SULF1: variants seen among roughly 807,000 people sequenced by gnomAD.
SULF1 encodes sulfatase 1.
SULF1 carries 46 observed loss-of-function variants against 110.5 expected under a neutral mutation model. The ratio of observed to expected loss-of-function variants is 0.42; its 90% CI spans 0.33 to 0.53. The LOEUF is 0.53. Ranked by LOEUF, SULF1 falls within the 20% of genes least tolerant of loss-of-function variation. SULF1 has a pLI of 0.12. For missense variants in SULF1, 941 were observed against 1,094.2 expected, an observed-to-expected ratio of 0.86 and a Z score of 1.98; for synonymous variants, 371 against 387.1, an observed-to-expected ratio of 0.96 and a Z score of 0.49.
intron 3 of SULF1, among the ~76,000 whole-genome samples, chr8:69,557,214 C>T (rs1815174234): frequency 1.3e-5 from 2 of 152,190 alleles, no homozygotes. Flanking sequence ...TCTTGGATCT[C>T]ACTGCCACCA....
intron 3 of SULF1, among the ~76,000 whole-genome samples, chr8:69,522,302 C>T (rs1421443568): frequency 6.6e-6 from 1 of 152,146 alleles, no homozygotes; most frequent in Non-Finnish European, 1.5e-5. Flanking sequence ...GCCTCAGCCT[C>T]CCAAAGTGCT....
intron 3 of SULF1, among the ~76,000 whole-genome samples, chr8:69,559,255 C>G (rs961922277): frequency 6.6e-6 from 1 of 152,182 alleles, no homozygotes; most frequent in Non-Finnish European, 1.5e-5. Flanking sequence ...TATCAATGAA[C>G]TTTTCATTCT....
chr8:69,658,408 C>T, intron 22 of SULF1, 97 bp from the exon 23 acceptor site: 1 of 868,350 alleles, frequency 1.2e-6, no homozygotes, highest in South Asian at 1.7e-5. Flanking sequence ...TCATACTTCT[C>T]ATTGATTAAC....
chr8:69,496,739 CT>C (rs1487846649), intron 2 of SULF1, among the ~76,000 whole-genome samples: 1 of 152,198 alleles, frequency 6.6e-6, no homozygotes, highest in Non-Finnish European at 1.5e-5. Flanking sequence ...CCCTCACAAT[CT>C]TTTTAGGTTA....
intron 1 of SULF1, among the ~76,000 whole-genome samples, chr8:69,468,392 A>G (rs2704028): frequency 6.6e-6 from 1 of 152,060 alleles, no homozygotes; most frequent in Non-Finnish European, 1.5e-5. Context: ...AACCATGCAG[A>G]TAATTTTTTT....
chr8:69,610,104 T>C (rs919833894), intron 13 of SULF1, among the ~76,000 whole-genome samples: 1 of 152,248 alleles, frequency 6.6e-6, no homozygotes, highest in African/African-American at 2.4e-5. Context: ...ATCCTTTTGA[T>C]GAGTTGTTGA....
Position 69,526,647 on chromosome 8 carries a change from C to G in SULF1, c.-134+24679C>G, listed in dbSNP as rs186877455. Among the ~76,000 whole-genome samples, 305 of 151,096 alleles carry G rather than the reference C, an allele frequency of 2.0e-3. 2 individuals carry two copies. Among genetic ancestry groups the G allele is most frequent in the Non-Finnish European group, 1.7e-3 (113 of 67,770 alleles). ...AGAAAGAAAGAAAAGAAAAATTAGT[C>G]AGGCATAGTGGCATGTGCCTGTAGT... On this transcript the variant is annotated intron_variant, in intron 3 of 22. Coordinates refer to ENST00000402687, the MANE Select transcript of SULF1 (RefSeq NM_001128205.2).
intron 3 of SULF1, among the ~76,000 whole-genome samples, chr8:69,522,516 G>A (rs1812378752): frequency 6.6e-6 from 1 of 152,170 alleles, no homozygotes; most frequent in Admixed American, 6.5e-5. Context: ...CATTAATTAG[G>A]CAGTTAGCTT....
upstream of SULF1, among the ~76,000 whole-genome samples, chr8:69,492,557 G>A (rs991345009): frequency 1.2e-4 from 18 of 152,286 alleles, no homozygotes; most frequent in Non-Finnish European, 2.4e-4. Flanking sequence ...GGTGCTCAGG[G>A]AGCCGGAACC....
intron 1 of SULF1, among the ~76,000 whole-genome samples, chr8:69,486,514 C>T (rs1456424251): frequency 6.6e-6 from 1 of 152,020 alleles, no homozygotes; most frequent in Non-Finnish European, 1.5e-5. Context: ...ATTAAATTTC[C>T]TACGCTGGTA....
chr8:69,490,009 AG>A (rs1809863587), upstream of SULF1, among the ~76,000 whole-genome samples: 1 of 152,108 alleles, frequency 6.6e-6, no homozygotes, highest in Non-Finnish European at 1.5e-5. Context: ...CTTTAGATAA[AG>A]GACATTTGAA....
At chr8:69,564,168 C>G in intron 5 of SULF1, 21 bp downstream of exon 5, 1 of 1,612,360 alleles carries the variant, frequency 6.2e-7, no homozygotes, top group Non-Finnish European at 8.5e-7. Flanking sequence ...GGACTCTTCA[C>G]TTGTTAGTCT....
At chr8:69,526,802 G>GAAGGAAGA (rs1190441423) in intron 3 of SULF1, among the ~76,000 whole-genome samples, 1 of 63,182 alleles carries the variant, frequency 1.6e-5, no homozygotes, top group African/African-American at 7.0e-5. Context: ...AGAAAGAAAG[G>GAAGGAAGA]AAGGAAGGAA....
rs73683982 is a variant in SULF1 at position 69,570,142 on chromosome 8, G to A, written c.173-5828G>A. The stretch of plus-strand genomic sequence containing the variant: ...TACTTCATCATAAAAGAATGACATC[G>A]ACAAACACCCCTCCACAATCAGTAA... On this transcript the variant is annotated intron_variant, in intron 5 of 22. Coordinates refer to ENST00000402687, the MANE Select transcript of SULF1 (RefSeq NM_001128205.2). Among the ~76,000 whole-genome samples, 916 of 152,174 alleles carry A rather than the reference G, an allele frequency of 6.0e-3. 9 individuals carry two copies. Among genetic ancestry groups the A allele is most frequent in the African/African-American group, 0.021 (857 of 41,524 alleles).
chr8:69,638,788 A>T lies in SULF1; in HGVS notation c.2481A>T (p.Val827=). Residue 827 remains valine, a synonymous_variant, in exon 21 of 23, where the codon GTA becomes GTT. Coordinates refer to ENST00000402687, the MANE Select transcript of SULF1 (RefSeq NM_001128205.2). ...GAGGCATTTTGAATCAGCTACACGTACAACTAATGGAGCTCAGAAGCTGTC... is the reference window on the plus strand; with the variant it reads ...GAGGCATTTTGAATCAGCTACACGTTCAACTAATGGAGCTCAGAAGCTGTC... ...VERGILNQLH[V]QLMELRSCQG... The T allele has an allele frequency of 6.2e-7, 1 of 1,614,164 alleles. No individual in the cohort carries two copies. The highest frequency in any genetic ancestry group is 8.5e-7 in the Non-Finnish European group (1 of 1,180,014).
rs1352658096 is a variant in SULF1 at position 69,623,956 on chromosome 8, T to C, written c.1609T>C (p.Phe537Leu). The change falls in exon 15 of 23, where the codon TTT (phenylalanine) becomes CTT (leucine). Residue 537 changes from phenylalanine (F) to leucine (L), a missense_variant. Transcript: ENST00000402687. ...CTTACTTCTAGAGTACAAGCCCAGA[T>C]TTGTCCATACTCGGCAGACACGTTC... ...NQGTPKYKPR[F>L]VHTRQTRSLS... is the part of the protein sequence containing the mutation. The C allele has an allele frequency of 6.2e-7, 1 of 1,613,702 alleles. No individual in the cohort carries two copies. Among genetic ancestry groups the C allele is most frequent in the Non-Finnish European group, 8.5e-7 (1 of 1,179,826 alleles).
Position 69,659,021 on chromosome 8 carries a change from G to GTTTCCAGCTCTGTCA in SULF1, c.*487_*488insTTCCAGCTCTGTCAT. 2.2e-6 allele frequency: 1 copy of GTTTCCAGCTCTGTCA among 457,260 alleles called. No individual in the cohort carries two copies. The highest frequency in any genetic ancestry group is 4.4e-6 in the Non-Finnish European group (1 of 227,154). The allele number at this position is 457,260 out of a possible 1,614,324, so 28.3% of individuals were successfully genotyped here. A position where few individuals can be genotyped will look rare whatever the true frequency, so the allele number is the denominator to read the frequency against. On this transcript the variant is annotated 3_prime_UTR_variant, in exon 23 of 23. Coordinates refer to ENST00000402687, the MANE Select transcript of SULF1 (RefSeq NM_001128205.2). The stretch of plus-strand genomic sequence containing the variant: ...ACTAATCATCTGGAAACCGATTTCA[G>GTTTCCAGCTCTGTCA]TGGCGATGGCATGACAGAGCTAGAG...
At chr8:69,570,461 G>C (rs1237675714) in intron 5 of SULF1, among the ~76,000 whole-genome samples, 1 of 152,218 alleles carries the variant, frequency 6.6e-6, no homozygotes, top group Non-Finnish European at 1.5e-5. Context: ...TGTCAATGAA[G>C]TAATTCAGGA....
rs776346894 is a variant in SULF1, at chr8:69,600,739, G to T, written c.871G>T (p.Asp291Tyr). The change falls in exon 9 of 23, where the codon GAT becomes TAT. Residue 291 changes from aspartate (D) to tyrosine (Y), a missense_variant. By Grantham distance (160) the Asp-to-Tyr change is radical. Transcript: ENST00000402687. ...GCTCCAGACTTTGATGTCAGTGGAT[G>T]ATTCTGTGGAGAGGGTAAGCACATG... The part of the protein sequence containing the change: ...KRLQTLMSVD[D>Y]SVERLYNMLV... 6.2e-7 allele frequency: 1 copy of T among 1,613,884 alleles called. No homozygotes were observed. The highest frequency in any genetic ancestry group is 2.2e-5 in the East Asian group (1 of 44,880).
Sources: allele counts gnomAD v4.1 joint callset (sites outside exome capture counted in the v4.1 genomes callset), GRCh38; gene constraint gnomAD v4.1.1; transcripts MANE v1.5; gene names NCBI Gene and HGNC (gene_info 2026-07-23, HGNC 2026-07-21).